Variants in EEF1D observed in about 807,000 individuals in gnomAD.
The protein encoded by EEF1D is elongation factor 1-delta.
Under a neutral mutation model 63.9 loss-of-function variants are expected in EEF1D, and 47 were observed. The observed-to-expected ratio is 0.74, with a 90% CI of 0.58 to 0.94. The LOEUF (loss-of-function observed/expected upper bound fraction) is 0.94, where lower values mean the gene tolerates loss of function less well. Ranked by LOEUF, EEF1D falls within the 40% of genes least tolerant of loss-of-function variation. The pLI, the probability that EEF1D is intolerant of heterozygous loss-of-function variation, is 0.00. For synonymous variants in EEF1D, 412 were observed against 386.1 expected (o/e 1.07, Z -0.79); for missense variants, 907 against 899.0 (o/e 1.01, Z -0.11).
Position 143,590,622 on chromosome 8 carries a change from C to T in EEF1D, c.1-541G>A, listed in dbSNP as rs1340780239. 26 of 1,014,984 alleles carry T rather than the reference C, an allele frequency of 2.6e-5. No individual in the cohort carries two copies. In the East Asian group the frequency reaches 6.8e-4, roughly 27 times the overall value. The allele number at this position is 1,014,984 out of a possible 1,614,324, so 62.9% of individuals were successfully genotyped here. ...AAAGTTCTTACAAAAGAAGGAGCCT[C>T]GGCCAGGCACGGTGGCTCACACCTG... On this transcript the variant is annotated intron_variant, in intron 2 of 9. Coordinates refer to ENST00000618139, the MANE Select transcript of EEF1D (RefSeq NM_001130053.5).
chr8:143,581,811 C>T (rs561090651), intron 5 of EEF1D: 24 of 163,070 alleles, frequency 1.5e-4, no homozygotes, highest in African/African-American at 4.1e-4. Flanking sequence ...CTGGGCCTCA[C>T]GCCTGCCATC....
Position 143,580,492 on chromosome 8 carries a change from C to T in EEF1D, c.1710+14G>A. On this transcript the variant is annotated intron_variant, in intron 8 of 9. Coordinates refer to ENST00000618139, the MANE Select transcript of EEF1D (RefSeq NM_001130053.5). ...CAGTGCCTGGCCCCCTGAAGCCCCA[C>T]CCCGCCCACTCACAGGCTTGACATC... 3 of 1,609,336 alleles carry T rather than the reference C, an allele frequency of 1.9e-6. No homozygotes were observed. Among genetic ancestry groups the T allele is most frequent in the Non-Finnish European group, 2.5e-6 (3 of 1,177,688 alleles).
chr8:143,593,931 T>G (rs1184133089), intron 1 of EEF1D: 1 of 985,244 alleles, frequency 1.0e-6, no homozygotes, highest in Non-Finnish European at 1.2e-6. Flanking sequence ...GCTTCAAAGC[T>G]TGCGCAGACG....
At chr8:143,595,618 T>C (rs1828667641) in intron 1 of EEF1D, among the ~76,000 whole-genome samples, 1 of 152,340 alleles carries the variant, frequency 6.6e-6, no homozygotes, top group Non-Finnish European at 1.5e-5. Flanking sequence ...CTGTCCTGCA[T>C]ATCTCAGAGC....
chr8:143,580,430 A>G (rs1332896382), intron 8 of EEF1D, 76 bp downstream of exon 8: 53 of 1,502,408 alleles, frequency 3.5e-5, no homozygotes, highest in Non-Finnish European at 4.6e-5. Context: ...GGGCAGGGGG[A>G]GGGTCACAGG....
Position 143,592,514 on chromosome 8 carries a change from G to C in EEF1D, c.-1+133C>G, listed in dbSNP as rs988053117. 6 of 847,500 alleles carry C rather than the reference G, an allele frequency of 7.1e-6. 1 individual carries two copies. In the Admixed American group the frequency reaches 2.5e-4, roughly 35 times the overall value. The allele number at this position is 847,500 out of a possible 1,614,324, so 52.5% of individuals were successfully genotyped here. On this transcript the variant is annotated intron_variant, in intron 2 of 9. Transcript: ENST00000618139. ...GAAAACCCAATTCCTCCACTTTCCA[G>C]ATGGGAAACTGAGGCCCTCTGGGCA...
At position 143,588,265 on chromosome 8, in the gene EEF1D, C is replaced by T. The variant is rs570394213; in HGVS notation, c.1091+726G>A. On this transcript the variant is annotated intron_variant, in intron 3 of 9. Coordinates refer to ENST00000618139, the MANE Select transcript of EEF1D (RefSeq NM_001130053.5). ...TTCAGAGTCCTTCCCTGACTCAGCC[C>T]GCCCCACCACCAGGACACCCTCGCC... Among the ~76,000 whole-genome samples the T allele has an allele frequency of 6.6e-5, 10 of 152,322 alleles. No homozygotes were observed. The East Asian group carries it at 1.5e-3, about 23-fold the overall frequency.
chr8:143,580,207 C>T lies in EEF1D; in HGVS notation c.1711-1G>A, dbSNP rs878972928. Reference sequence around the variant, plus strand: ...GGGCCATGTCCGTCTCATCATCCCACTGTGGGGAAAGGGGAGGAAAAGCTG... The same window carrying T: ...GGGCCATGTCCGTCTCATCATCCCATTGTGGGGAAAGGGGAGGAAAAGCTG... On this transcript the variant is annotated splice_acceptor_variant, in intron 8 of 9. Transcript: ENST00000618139. LOFTEE classifies it high-confidence loss of function. 2 of 1,612,148 alleles carry T rather than the reference C, an allele frequency of 1.2e-6. No individual in the cohort carries two copies. Among genetic ancestry groups the T allele is most frequent in the African/African-American group, 1.3e-5 (1 of 74,906 alleles).
intron 5 of EEF1D, among the ~76,000 whole-genome samples, chr8:143,584,721 G>A (rs900455954): frequency 5.7e-5 from 6 of 105,424 alleles, no homozygotes; most frequent in Non-Finnish European, 9.0e-5. Context: ...AAACTGCCAC[G>A]AACATGCTGT....
chr8:143,588,250 T>C (rs1248340652), intron 3 of EEF1D, among the ~76,000 whole-genome samples: 1 of 152,172 alleles, frequency 6.6e-6, no homozygotes, highest in Non-Finnish European at 1.5e-5. Flanking sequence ...TTCAGAGTCC[T>C]TCCCTGACTC....
chr8:143,590,588 A>G, intron 2 of EEF1D: 1 of 1,054,746 alleles, frequency 9.5e-7, no homozygotes. Flanking sequence ...CCACACCCAG[A>G]GCACCCTCAA....
At chr8:143,588,710 G>A (rs1393831115) in intron 3 of EEF1D, 3 of 475,978 alleles carry the variant, frequency 6.3e-6, no homozygotes, top group African/African-American at 4.0e-5. Context: ...AGCCAAAGAG[G>A]GACCCTGGGC....
At position 143,592,756 on chromosome 8, in the gene EEF1D, G is replaced by C. The variant is rs973540631; in HGVS notation, c.-14-96C>G. The C allele has an allele frequency of 3.2e-5, 31 of 965,326 alleles. No individual in the cohort carries two copies. The African/African-American group carries it at 5.5e-4, about 17-fold the overall frequency. The allele number at this position is 965,326 out of a possible 1,614,324, so 59.8% of individuals were successfully genotyped here. A position where few individuals can be genotyped will look rare whatever the true frequency, so the allele number is the denominator to read the frequency against. On this transcript the variant is annotated intron_variant, in intron 1 of 9. Coordinates refer to ENST00000618139, the MANE Select transcript of EEF1D (RefSeq NM_001130053.5). ...GCAGGTCAGCCCGGGGCGGCCGGGG[G>C]CCTTTCCAGAAGCTGCTTGGCGAGG...
In EEF1D at chr8:143,586,285, G is replaced by A. The variant is rs143904844; in HGVS notation, c.1221C>T (p.Asn407=). The change falls in exon 5 of 10, where the codon AAC becomes AAT. Residue 407 remains asparagine, a synonymous_variant. Coordinates refer to ENST00000618139, the MANE Select transcript of EEF1D (RefSeq NM_001130053.5). ...GPVAGASRQE[N]GASVILRDIA... Reference sequence around the variant, plus strand: ...TGTCACGGAGGATCACGCTGGCGCCGTTCTCCTGCAGACAGTGCAGAAAGA... The same window carrying A: ...TGTCACGGAGGATCACGCTGGCGCCATTCTCCTGCAGACAGTGCAGAAAGA... 8.1e-6 allele frequency: 13 copies of A among 1,602,612 alleles called. No individual in the cohort carries two copies. The highest frequency in any genetic ancestry group is 6.7e-5 in the African/African-American group (5 of 74,516).
At position 143,579,778 on chromosome 8, in the gene EEF1D, C is replaced by T. The variant is rs1445456420; in HGVS notation, c.*14G>A. ...AGGGCCTCACGCACGCGCGCACGTA[C>T]ACACACTCAGGCTTCAGATCTTGTT... On this transcript the variant is annotated 3_prime_UTR_variant, in exon 10 of 10. Coordinates refer to ENST00000618139, the MANE Select transcript of EEF1D (RefSeq NM_001130053.5). 2 of 1,552,008 alleles carry T rather than the reference C, an allele frequency of 1.3e-6. No homozygotes were observed. The highest frequency in any genetic ancestry group is 1.7e-6 in the Non-Finnish European group (2 of 1,148,652).
chr8:143,591,578 C>A (rs893334802), intron 2 of EEF1D, among the ~76,000 whole-genome samples: 6 of 152,248 alleles, frequency 3.9e-5, no homozygotes, highest in Non-Finnish European at 7.3e-5. Context: ...CCTAGGAGCA[C>A]CCTCAAGAGG....
chr8:143,591,438 G>C (rs1440745363), intron 2 of EEF1D, among the ~76,000 whole-genome samples: 9 of 152,226 alleles, frequency 5.9e-5, no homozygotes, highest in African/African-American at 1.9e-4. Context: ...CAGAAGGCCA[G>C]GGGCAAATCT....
intron 5 of EEF1D, chr8:143,583,069 G>C (rs1426346399): frequency 6.6e-6 from 1 of 152,248 alleles, no homozygotes; most frequent in Non-Finnish European, 1.5e-5. Context: ...ACCTTATTTG[G>C]AGACAGGGCC....
At position 143,589,036 on chromosome 8, in the gene EEF1D, C is replaced by G. The variant is rs201635089; in HGVS notation, c.1046G>C (p.Arg349Pro). 1.9e-5 allele frequency: 31 copies of G among 1,603,666 alleles called. No individual in the cohort carries two copies. In the Middle Eastern group the frequency reaches 7.3e-4, roughly 38 times the overall value. Residue 349 changes from arginine to proline, a missense_variant, in exon 3 of 10, where the codon CGA (arginine) becomes CCA (proline). Physicochemically the swap from Arg to Pro is moderately radical, Grantham distance 103. Transcript: ENST00000618139. ...WCLEAASLSH[R>P]PGPRSGLSVS... ...GGACAGGCCAGACCGAGGACCGGGT[C>G]GGTGAGACAGGGAGGCAGCTTCGAG...
Sources: allele counts gnomAD v4.1 joint callset (sites outside exome capture counted in the v4.1 genomes callset), GRCh38; gene constraint gnomAD v4.1.1; transcripts MANE v1.5; gene names NCBI Gene and HGNC (gene_info 2026-07-23, HGNC 2026-07-21).